The following MID2 variants were observed in gnomAD, a reference collection of about 807,000 sequenced individuals.
The protein encoded by MID2 is midline 2, also known as probable E3 ubiquitin-protein ligase MID2.
A neutral mutation model predicts 46.1 loss-of-function variants in MID2; 13 were observed. The ratio of observed to expected loss-of-function variants is 0.28; its 90% confidence interval spans 0.18 to 0.45. The LOEUF is 0.45. Ranked by LOEUF, MID2 falls within the 20% of genes least tolerant of loss-of-function variation. The probability of loss-of-function intolerance (pLI) is 1.00; values close to 1 mark genes in which losing one functional copy is unlikely to be tolerated. For synonymous variants in MID2, 199 were observed against 212.3 expected, an observed-to-expected ratio of 0.94 and a Z score of 0.55; for missense variants, 431 against 575.4, an observed-to-expected ratio of 0.75 and a Z score of 2.57.
At chrX:107,880,851 A>G (rs1238081041) in intron 3 of MID2, among the ~76,000 whole-genome samples, 1 of 112,814 alleles carries the variant, frequency 8.9e-6, no homozygotes, top group Non-Finnish European at 1.9e-5. Context: ...AAGCCCAGGA[A>G]TAATTAAGGG....
intron 3 of MID2, among the ~76,000 whole-genome samples, chrX:107,875,495 GA>G (rs1278616108): frequency 1.8e-5 from 2 of 111,553 alleles, no homozygotes; most frequent in Admixed American, 9.5e-5. Flanking sequence ...AATGAGGTGG[GA>G]TCCTTAAGGT....
At chrX:107,874,951 A>C (rs1932164904) in intron 3 of MID2, among the ~76,000 whole-genome samples, 3 of 111,558 alleles carry the variant, frequency 2.7e-5, no homozygotes, top group South Asian at 3.9e-4. Context: ...AAAATTGAGA[A>C]GAGCCTTACT....
rs1362456836 is a variant in MID2 at position 107,916,229 on chromosome X, A to G, written c.1201+100A>G. 11 of 700,817 alleles carry G rather than the reference A, an allele frequency of 1.6e-5. No individual in the cohort carries two copies. In the East Asian group the frequency reaches 4.6e-4, roughly 29 times the overall value. The allele number at this position is 700,817 out of a possible 1,213,427, so 57.8% of individuals were successfully genotyped here. A position where few individuals can be genotyped will look rare whatever the true frequency, so the allele number is the denominator to read the frequency against. ...AAAAGACAATATTTATAATTTACATATTTTATAATCTTTAAAATGATGCAT... is the reference window on the plus strand; with the variant it reads ...AAAAGACAATATTTATAATTTACATGTTTTATAATCTTTAAAATGATGCAT... On this transcript the variant is annotated intron_variant, in intron 6 of 9. Coordinates refer to ENST00000262843, the MANE Select transcript of MID2 (RefSeq NM_012216.4).
At chrX:107,913,457 T>C (rs1292731922) in intron 5 of MID2, among the ~76,000 whole-genome samples, 1 of 112,080 alleles carries the variant, frequency 8.9e-6, no homozygotes, top group Non-Finnish European at 1.9e-5. Context: ...AGACTTATAT[T>C]TTAAGCTATT....
chrX:107,927,372 A>G lies in MID2; in HGVS notation c.*299A>G, dbSNP rs1933201854. On this transcript the variant is annotated 3_prime_UTR_variant, in exon 10 of 10. Transcript: ENST00000262843. ...CCAATGATTTAAGAATATAAATTAT[A>G]TTGGAAGCAATTAGGGTAATTCTAG... is the stretch of plus-strand genomic sequence containing the variant. 8.9e-6 allele frequency among the ~76,000 whole-genome samples: 1 copy of G among 111,745 alleles called. No homozygotes were observed. Among genetic ancestry groups the G allele is most frequent in the South Asian group, 3.7e-4 (1 of 2,678 alleles).
rs1347451057 is a variant in MID2 at position 107,905,464 on chromosome X, C to T, written c.925-14C>T. On this transcript the variant is annotated splice_polypyrimidine_tract_variant and intron_variant, in intron 4 of 9. Transcript: ENST00000262843. ...TGTTTTATCTTATTTTTTTCTTTTA[C>T]TAATTCCTTAAAGGTTATGAAACTG... 1 of 1,173,932 alleles carries T rather than the reference C, an allele frequency of 8.5e-7. No individual in the cohort carries two copies. The highest frequency in any genetic ancestry group is 3.0e-5 in the East Asian group (1 of 33,361).
At chrX:107,916,952 C>A (rs928983942) in intron 6 of MID2, among the ~76,000 whole-genome samples, 7 of 111,866 alleles carry the variant, frequency 6.3e-5, no homozygotes, top group Non-Finnish European at 1.1e-4. Flanking sequence ...ACCAGCCTGG[C>A]CAACATGGCG....
chrX:107,905,054 G>T (rs1000930123), intron 4 of MID2, among the ~76,000 whole-genome samples: 1 of 111,896 alleles, frequency 8.9e-6, no homozygotes, highest in African/African-American at 3.2e-5. Flanking sequence ...GTACTTTTTA[G>T]TAAACATATA....
intron 3 of MID2, among the ~76,000 whole-genome samples, chrX:107,866,427 AC>A (rs1426846824): frequency 4.9e-4 from 1 of 2,046 alleles, no homozygotes; most frequent in East Asian, 0.016. Context: ...CTGAAAACAC[AC>A]ACACACACAC....
intron 3 of MID2, among the ~76,000 whole-genome samples, chrX:107,865,738 G>T (rs1931942418): frequency 8.9e-6 from 1 of 112,514 alleles, no homozygotes; most frequent in African/African-American, 3.2e-5. Flanking sequence ...CTTCTCCTTA[G>T]TAACATCAAA....
intron 3 of MID2, among the ~76,000 whole-genome samples, chrX:107,889,706 A>G (rs1932552232): frequency 8.9e-6 from 1 of 112,243 alleles, no homozygotes; most frequent in Non-Finnish European, 1.9e-5. Context: ...AATATCCTGC[A>G]AAGTGTTTTC....
At chrX:107,895,380 T>C in intron 3 of MID2, 1 of 111,868 alleles carries the variant, frequency 8.9e-6, no homozygotes, top group Non-Finnish European at 1.9e-5. Context: ...TCATCATTAC[T>C]ATAATTTTCT....
intron 2 of MID2, among the ~76,000 whole-genome samples, chrX:107,845,517 A>ACT (rs1211921439): frequency 6.1e-4 from 52 of 84,968 alleles, no homozygotes; most frequent in African/African-American, 1.9e-3. Context: ...ACACACACAC[A>ACT]CACACACACT....
chrX:107,854,765 G>C, intron 3 of MID2, 61 bp downstream of exon 3: 2 of 855,396 alleles, frequency 2.3e-6, no homozygotes, highest in Non-Finnish European at 3.4e-6. Context: ...CCTTTGGGAG[G>C]ACTTCAGTTT....
chrX:107,907,380 C>T (rs911655202), intron 5 of MID2, among the ~76,000 whole-genome samples: 7 of 112,301 alleles, frequency 6.2e-5, no homozygotes, highest in Admixed American at 5.7e-4. Context: ...TAAATGCCCT[C>T]TTATTTTACA....
At chrX:107,825,851 C>G, upstream of MID2, 1 of 242,528 alleles carries the variant, frequency 4.1e-6, no homozygotes, top group Non-Finnish European at 7.4e-6. Flanking sequence ...TTTGCTTGCT[C>G]AGGTTTCTCC....
intron 1 of MID2, among the ~76,000 whole-genome samples, chrX:107,828,404 C>T (rs1304438596): frequency 3.8e-5 from 4 of 104,601 alleles, no homozygotes; most frequent in Non-Finnish European, 5.8e-5. Context: ...CTCCACCTCT[C>T]GGGCTTAAGC....
At chrX:107,890,729 A>C (rs1932580184) in intron 3 of MID2, among the ~76,000 whole-genome samples, 1 of 111,741 alleles carries the variant, frequency 8.9e-6, no homozygotes, top group Admixed American at 9.5e-5. Context: ...GAGTCTACAG[A>C]GGCAGGCAGG....
intron 3 of MID2, among the ~76,000 whole-genome samples, chrX:107,887,568 T>TGAAAA (rs890434981): frequency 2.7e-5 from 3 of 111,787 alleles, no homozygotes; most frequent in African/African-American, 9.8e-5. Context: ...TCATCAGGGA[T>TGAAAA]ATTGGTCTAA....
Sources: gnomAD v4.1 joint callset for allele counts (sites outside exome capture counted in the v4.1 genomes callset) on GRCh38, gnomAD v4.1.1 for gene constraint, MANE v1.5 for transcripts, NCBI Gene and HGNC (gene_info 2026-07-23, HGNC 2026-07-21) for gene names.